Variants in IMMP2L observed in about 807,000 individuals in gnomAD.
IMMP2L encodes the protein inner mitochondrial membrane peptidase subunit 2, also known as mitochondrial inner membrane protease subunit 2.
A neutral mutation model predicts 19.3 loss-of-function variants in IMMP2L; 18 were observed. That is an observed-to-expected ratio of 0.93 (90% CI 0.64 to 1.38). The LOEUF is 1.38. IMMP2L is among the 40% of genes most tolerant of loss of function. The probability of loss-of-function intolerance (pLI) is 0.00; values close to 1 mark genes in which losing one functional copy is unlikely to be tolerated. For missense variants in IMMP2L, 233 were observed against 218.2 expected, an observed-to-expected ratio of 1.07 and a Z score of -0.43; for synonymous variants, 76 against 73.0, an observed-to-expected ratio of 1.04 and a Z score of -0.21.
At chr7:110,861,098 T>A (rs965761566) in intron 5 of IMMP2L, among the ~76,000 whole-genome samples, 80 of 141,700 alleles carry the variant, frequency 5.6e-4, no homozygotes, top group South Asian at 1.1e-3. Context: ...TGTGTGTGTG[T>A]GAGAGAGAGA....
chr7:110,783,432 TTG>T (rs1480003661), intron 5 of IMMP2L, among the ~76,000 whole-genome samples: 1 of 151,886 alleles, frequency 6.6e-6, no homozygotes, highest in Non-Finnish European at 1.5e-5. Context: ...AAATCAGATG[TTG>T]TTTCTATTAC....
chr7:110,819,082 A>G (rs1802799309), intron 5 of IMMP2L, among the ~76,000 whole-genome samples: 1 of 151,936 alleles, frequency 6.6e-6, no homozygotes, highest in African/African-American at 2.4e-5. Flanking sequence ...CACATTGTGC[A>G]TATGTACCCT....
chr7:110,850,209 G>A (rs376385828), intron 5 of IMMP2L, among the ~76,000 whole-genome samples: 15 of 152,070 alleles, frequency 9.9e-5, no homozygotes, highest in East Asian at 7.8e-4. Flanking sequence ...TATCAAAACA[G>A]GATCTGGTCC....
At chr7:111,283,104 T>C (rs1204143731) in intron 3 of IMMP2L, among the ~76,000 whole-genome samples, 5 of 152,082 alleles carry the variant, frequency 3.3e-5, no homozygotes, top group Non-Finnish European at 5.9e-5. Context: ...ATTAAAAGGA[T>C]AAAAATAATA....
intron 3 of IMMP2L, among the ~76,000 whole-genome samples, chr7:111,179,338 C>A (rs947209950): frequency 1.3e-5 from 2 of 152,086 alleles, no homozygotes; most frequent in Non-Finnish European, 2.9e-5. Context: ...ATGGCCAACA[C>A]AAATTCATAA....
chr7:111,437,215 G>A lies in IMMP2L; in HGVS notation c.239+50023C>T, dbSNP rs369208554. 1.6e-4 allele frequency among the ~76,000 whole-genome samples: 25 copies of A among 151,882 alleles called. No homozygotes were observed. The South Asian group carries it at 5.0e-3, about 30-fold the overall frequency. ...AATCCCAGCACTTTGGGAGGCCAAG[G>A]CGGGTGGATCACCTGAGGTCATGAG... On this transcript the variant is annotated intron_variant, in intron 3 of 5. Coordinates refer to ENST00000405709, the MANE Select transcript of IMMP2L (RefSeq NM_032549.4).
At chr7:111,250,446 C>G (rs550053151) in intron 3 of IMMP2L, among the ~76,000 whole-genome samples, 17 of 152,108 alleles carry the variant, frequency 1.1e-4, no homozygotes, top group African/African-American at 3.9e-4. Context: ...TGAATAGCCA[C>G]AACAATCCTA....
chr7:111,281,204 AAGAAAGAAAGAAAAAG>A (rs1264568058), intron 3 of IMMP2L, among the ~76,000 whole-genome samples: 244 of 49,248 alleles, frequency 5.0e-3, no homozygotes, highest in African/African-American at 0.011. Context: ...GAAAGAAAGA[AAGAAAGAAAGAAAAAG>A]AAAGAAAGAA....
chr7:111,001,197 G>T (rs1267528423), intron 3 of IMMP2L, among the ~76,000 whole-genome samples: 1 of 152,074 alleles, frequency 6.6e-6, no homozygotes, highest in African/African-American at 2.4e-5. Context: ...TCCTATACAG[G>T]TGCTAAAACA....
intron 3 of IMMP2L, among the ~76,000 whole-genome samples, chr7:111,013,952 G>A (rs1327159183): frequency 6.6e-6 from 1 of 151,838 alleles, no homozygotes; most frequent in African/African-American, 2.4e-5. Flanking sequence ...TTGACCTAGG[G>A]GTCAAGTCAG....
In IMMP2L at chr7:111,422,750, C is replaced by G. The variant is rs1189665064; in HGVS notation, c.239+64488G>C. ...ATTGCCCTGGCCAGAACTTCCAACA[C>G]TACGTTGAATAGGAGTGGTGAGAGA... On this transcript the variant is annotated intron_variant, in intron 3 of 5. Transcript: ENST00000405709. Among the ~76,000 whole-genome samples the G allele has an allele frequency of 2.6e-5, 4 of 151,978 alleles. No individual in the cohort carries two copies. The East Asian group carries it at 7.7e-4, about 29-fold the overall frequency.
At chr7:111,272,264 C>T (rs1281390669) in intron 3 of IMMP2L, among the ~76,000 whole-genome samples, 1 of 152,124 alleles carries the variant, frequency 6.6e-6, no homozygotes, top group Non-Finnish European at 1.5e-5. Flanking sequence ...ATTTTATCCT[C>T]CCTCAGGGCT....
chr7:110,828,345 C>T (rs910588842), intron 5 of IMMP2L, among the ~76,000 whole-genome samples: 1 of 152,154 alleles, frequency 6.6e-6, no homozygotes, highest in Non-Finnish European at 1.5e-5. Context: ...TTCCCCTGCA[C>T]AGTAGTAAGA....
At chr7:111,511,650 CAA>C (rs1252976534) in intron 2 of IMMP2L, among the ~76,000 whole-genome samples, 22 of 53,154 alleles carry the variant, frequency 4.1e-4, no homozygotes, top group Admixed American at 1.0e-3. Flanking sequence ...CTCTGTTGAA[CAA>C]AAAAAAAAAA....
intron 3 of IMMP2L, among the ~76,000 whole-genome samples, chr7:111,005,812 A>G (rs1824224806): frequency 6.6e-6 from 1 of 152,172 alleles, no homozygotes; most frequent in Non-Finnish European, 1.5e-5. Context: ...TCTGTTCTAA[A>G]TGGGTCTTCA....
intron 3 of IMMP2L, among the ~76,000 whole-genome samples, chr7:111,257,298 G>T (rs889684135): frequency 6.6e-6 from 1 of 152,014 alleles, no homozygotes; most frequent in Admixed American, 6.6e-5. Context: ...TGTTTTAACT[G>T]AAAATTAGTC....
intron 3 of IMMP2L, among the ~76,000 whole-genome samples, chr7:111,137,651 G>C (rs1802477952): frequency 6.6e-6 from 1 of 152,136 alleles, no homozygotes; most frequent in South Asian, 2.1e-4. Flanking sequence ...AATGATAAAA[G>C]CACAGTCAGA....
intron 3 of IMMP2L, among the ~76,000 whole-genome samples, chr7:111,316,726 A>G (rs535101846): frequency 3.8e-4 from 58 of 152,092 alleles, no homozygotes; most frequent in African/African-American, 1.4e-3. Flanking sequence ...ATGCTTCAGT[A>G]AAAAAATTAT....
At chr7:110,691,041 G>A (rs1390741102) in intron 5 of IMMP2L, among the ~76,000 whole-genome samples, 1 of 151,996 alleles carries the variant, frequency 6.6e-6, no homozygotes. Flanking sequence ...GAATAAATCT[G>A]GAGGCATCAC....
Sources: gnomAD v4.1 joint callset for allele counts (sites outside exome capture counted in the v4.1 genomes callset) on GRCh38, gnomAD v4.1.1 for gene constraint, MANE v1.5 for transcripts, NCBI Gene and HGNC (gene_info 2026-07-23, HGNC 2026-07-21) for gene names.